FAT3: variants seen among roughly 807,000 people sequenced by gnomAD.
FAT3 encodes the protein FAT atypical cadherin 3.
Under a neutral mutation model 310.2 loss-of-function variants are expected in FAT3, and 95 were observed. The ratio of observed to expected loss-of-function variants is 0.31; its 90% confidence interval spans 0.26 to 0.36. The LOEUF is 0.36. Among genes scored for constraint, FAT3 ranks in the 10% least tolerant of loss-of-function variants. The pLI, the probability that FAT3 is intolerant of heterozygous loss-of-function variation, is 1.00. For synonymous variants in FAT3, 2,314 were observed against 2,192.9 expected (o/e 1.06, Z -1.54); for missense variants, 5,408 against 5,715.6 (o/e 0.95, Z 1.74).
chr11:92,413,134 A>G (rs758272594), intron 2 of FAT3, among the ~76,000 whole-genome samples: 1 of 152,148 alleles, frequency 6.6e-6, no homozygotes, highest in Non-Finnish European at 1.5e-5. Flanking sequence ...TGATCTTCTT[A>G]CAGTTTCCAT....
chr11:92,346,905 T>G (rs2134606682), intron 1 of FAT3, among the ~76,000 whole-genome samples: 1 of 152,288 alleles, frequency 6.6e-6, no homozygotes, highest in Admixed American at 6.5e-5. Context: ...GAGTAGGTTG[T>G]AAATTTTACT....
At chr11:92,853,251 C>CGCCA (rs1219857270) in intron 19 of FAT3, among the ~76,000 whole-genome samples, 1 of 152,222 alleles carries the variant, frequency 6.6e-6, no homozygotes, top group East Asian at 1.9e-4. Context: ...CAGCTCCAGG[C>CGCCA]GCCAGCTCAG....
chr11:92,608,746 C>A (rs559739879), intron 3 of FAT3, among the ~76,000 whole-genome samples: 89 of 54,400 alleles, frequency 1.6e-3, no homozygotes, highest in African/African-American at 8.8e-3. Flanking sequence ...AATAATAATA[C>A]TCCTCACATG....
chr11:92,535,212 A>G (rs1954212836), intron 3 of FAT3, among the ~76,000 whole-genome samples: 1 of 152,134 alleles, frequency 6.6e-6, no homozygotes, highest in African/African-American at 2.4e-5. Context: ...AACAGCCCTG[A>G]GAAGATGGAA....
chr11:92,797,386 A>G (rs765088369), intron 9 of FAT3, among the ~76,000 whole-genome samples: 1 of 152,204 alleles, frequency 6.6e-6, no homozygotes, highest in Non-Finnish European at 1.5e-5. Flanking sequence ...AACTATTCCC[A>G]CAACCCTCTT....
chr11:92,260,864 T>C (rs55666638), intron 1 of FAT3, among the ~76,000 whole-genome samples: 5 of 152,198 alleles, frequency 3.3e-5, no homozygotes, highest in African/African-American at 1.2e-4. Flanking sequence ...GCAAGCTGAC[T>C]GAGTATGCCA....
intron 1 of FAT3, among the ~76,000 whole-genome samples, chr11:92,311,479 A>G (rs1464204769): frequency 2.0e-5 from 3 of 152,204 alleles, no homozygotes; most frequent in Non-Finnish European, 2.9e-5. Flanking sequence ...GGGATACCCA[A>G]TTTAAGTCAC....
intron 3 of FAT3, among the ~76,000 whole-genome samples, chr11:92,606,607 A>T (rs531439340): frequency 1.3e-5 from 2 of 152,192 alleles, no homozygotes; most frequent in South Asian, 4.1e-4. Flanking sequence ...TCTCAGTGTC[A>T]GTCATTCTGC....
At position 92,859,193 on chromosome 11, in the gene FAT3, C is replaced by T. The variant is rs1017046019; in HGVS notation, c.11529C>T (p.Asn3843=). 1.2e-6 allele frequency: 2 copies of T among 1,613,592 alleles called. No individual in the cohort carries two copies. Among genetic ancestry groups the T allele is most frequent in the Non-Finnish European group, 8.5e-7 (1 of 1,179,854 alleles). Residue 3843 remains asparagine, a synonymous_variant, in exon 21 of 28, where the codon AAC becomes AAT. Transcript: ENST00000525166. ...ACACTTCTCTCAGCTTTGCTGGAAACAGTTACATCAAATATCGGCTTTCTG... is the reference window on the plus strand; with the variant it reads ...ACACTTCTCTCAGCTTTGCTGGAAATAGTTACATCAAATATCGGCTTTCTG... ...SGHTSLSFAG[N]SYIKYRLSEN... is the part of the protein sequence containing the mutation.
chr11:92,666,719 A>T (rs917220544), intron 3 of FAT3, among the ~76,000 whole-genome samples: 2 of 152,082 alleles, frequency 1.3e-5, no homozygotes, highest in African/African-American at 4.8e-5. Context: ...TTGTTCTGCT[A>T]AAGTGAGAGA....
intron 23 of FAT3, among the ~76,000 whole-genome samples, chr11:92,882,244 A>G (rs1949685104): frequency 6.6e-6 from 1 of 152,180 alleles, no homozygotes; most frequent in African/African-American, 2.4e-5. Flanking sequence ...AAACACTGGT[A>G]TTTTTGATTA....
chr11:92,627,942 G>T (rs954707694), intron 3 of FAT3, among the ~76,000 whole-genome samples: 1 of 152,210 alleles, frequency 6.6e-6, no homozygotes, highest in Non-Finnish European at 1.5e-5. Context: ...GTGGGGCTTT[G>T]AAGCCAGGAG....
intron 2 of FAT3, among the ~76,000 whole-genome samples, chr11:92,370,275 C>T (rs1022371220): frequency 1.3e-5 from 2 of 152,168 alleles, no homozygotes; most frequent in African/African-American, 4.8e-5. Context: ...TTTCTGATTT[C>T]ATTGACTAAA....
chr11:92,657,747 G>A (rs930913659), intron 3 of FAT3, among the ~76,000 whole-genome samples: 4 of 152,158 alleles, frequency 2.6e-5, no homozygotes, highest in Admixed American at 6.5e-5. Flanking sequence ...TGCTAAGAAC[G>A]GGTTGATGAA....
intron 3 of FAT3, among the ~76,000 whole-genome samples, chr11:92,671,119 A>T (rs1270481414): frequency 1.3e-5 from 2 of 151,606 alleles, no homozygotes; most frequent in African/African-American, 2.4e-5. Flanking sequence ...ATCTCTGCTC[A>T]CTACAACCTC....
intron 22 of FAT3, among the ~76,000 whole-genome samples, chr11:92,877,158 A>G (rs1001145184): frequency 7.2e-5 from 11 of 152,170 alleles, no homozygotes; most frequent in Non-Finnish European, 1.6e-4. Context: ...GAAGAGAGAG[A>G]GAAAAGAAGC....
At chr11:92,307,447 G>T (rs776267147) in intron 1 of FAT3, among the ~76,000 whole-genome samples, 1 of 152,172 alleles carries the variant, frequency 6.6e-6, no homozygotes, top group Non-Finnish European at 1.5e-5. Context: ...AGCACATTTA[G>T]TCAGAAGATC....
chr11:92,379,789 AT>A (rs1949443940), intron 2 of FAT3, among the ~76,000 whole-genome samples: 2 of 152,272 alleles, frequency 1.3e-5, no homozygotes, highest in Middle Eastern at 3.4e-3. Context: ...CTGTTTCAGA[AT>A]TGCTGAAATT....
chr11:92,734,400 T>G (rs906994803), intron 4 of FAT3, among the ~76,000 whole-genome samples: 9 of 152,162 alleles, frequency 5.9e-5, no homozygotes, highest in Admixed American at 5.9e-4. Flanking sequence ...TACATAGATG[T>G]CTGTTCCAAA....
Sources: allele counts gnomAD v4.1 joint callset (sites outside exome capture counted in the v4.1 genomes callset), GRCh38; gene constraint gnomAD v4.1.1; transcripts MANE v1.5; gene names NCBI Gene and HGNC (gene_info 2026-07-23, HGNC 2026-07-21).